NRXN1: variants seen among roughly 807,000 people sequenced by gnomAD.
NRXN1 encodes neurexin-1.
In NRXN1, 39 loss-of-function variants were observed where a neutral mutation model predicts 150.9. That is an observed-to-expected ratio of 0.26 (90% CI 0.20 to 0.34). NRXN1 has a LOEUF of 0.34. NRXN1 is among the 10% of genes least tolerant of loss of function. The pLI, the probability that NRXN1 is intolerant of heterozygous loss-of-function variation, is 1.00. For missense variants in NRXN1, 1,815 were observed against 1,949.9 expected, an observed-to-expected ratio of 0.93 and a Z score of 1.30; for synonymous variants, 924 against 757.0, an observed-to-expected ratio of 1.22 and a Z score of -3.62.
At chr2:50,850,791 T>C (rs1485964405) in intron 5 of NRXN1, among the ~76,000 whole-genome samples, 1 of 152,112 alleles carries the variant, frequency 6.6e-6, no homozygotes, top group African/African-American at 2.4e-5. Flanking sequence ...GCAGAGGGTG[T>C]CTAAAATGAA....
intron 8 of NRXN1, among the ~76,000 whole-genome samples, chr2:50,557,406 G>A (rs141816980): frequency 6.6e-6 from 1 of 152,238 alleles, no homozygotes. Flanking sequence ...GACCCTCCCT[G>A]AGAGAACATG....
chr2:50,220,818 G>C (rs939769786), intron 18 of NRXN1, among the ~76,000 whole-genome samples: 2 of 151,944 alleles, frequency 1.3e-5, no homozygotes, highest in African/African-American at 4.8e-5. Context: ...GATCCTCAGA[G>C]AGCAAATCTT....
chr2:50,630,691 G>A (rs1682136707), intron 5 of NRXN1, among the ~76,000 whole-genome samples: 1 of 151,378 alleles, frequency 6.6e-6, no homozygotes, highest in South Asian at 2.1e-4. Context: ...CACACAGGTT[G>A]GAAGGTTTTA....
intron 5 of NRXN1, among the ~76,000 whole-genome samples, chr2:50,904,680 A>G (rs1388615961): frequency 6.6e-6 from 1 of 152,150 alleles, no homozygotes; most frequent in Non-Finnish European, 1.5e-5. Flanking sequence ...TTTTAAAAAG[A>G]TTACTAATCT....
intron 21 of NRXN1, among the ~76,000 whole-genome samples, chr2:49,950,592 A>T (rs1032425885): frequency 3.3e-5 from 5 of 152,040 alleles, no homozygotes; most frequent in Non-Finnish European, 7.4e-5. Flanking sequence ...TCTGAGGCAA[A>T]TGAACAAATA....
chr2:49,951,552 T>C (rs577584109), intron 21 of NRXN1, among the ~76,000 whole-genome samples: 4 of 151,984 alleles, frequency 2.6e-5, no homozygotes, highest in Non-Finnish European at 4.4e-5. Flanking sequence ...GGAGTAGAGG[T>C]ACTGAATGAG....
chr2:50,637,290 C>T (rs1375230289), intron 5 of NRXN1, among the ~76,000 whole-genome samples: 1 of 152,160 alleles, frequency 6.6e-6, no homozygotes, highest in Non-Finnish European at 1.5e-5. Flanking sequence ...CATCATTAAT[C>T]AACATTCTCT....
intron 5 of NRXN1, among the ~76,000 whole-genome samples, chr2:50,667,978 A>G (rs1186701029): frequency 1.3e-5 from 2 of 152,034 alleles, no homozygotes; most frequent in Admixed American, 1.3e-4. Flanking sequence ...CCTTAAACCA[A>G]GTAAGAATTC....
intron 5 of NRXN1, among the ~76,000 whole-genome samples, chr2:50,710,687 T>C (rs909777958): frequency 2.6e-5 from 4 of 151,982 alleles, no homozygotes; most frequent in African/African-American, 9.7e-5. Context: ...TTAGCTTACA[T>C]ATAGTAAAAA....
intron 18 of NRXN1, among the ~76,000 whole-genome samples, chr2:50,216,009 T>A (rs1444053721): frequency 1.3e-5 from 2 of 151,958 alleles, no homozygotes; most frequent in African/African-American, 2.4e-5. Flanking sequence ...TATAAGTAGA[T>A]AAAGAATGGA....
At chr2:50,225,925 T>C (rs1315066998) in intron 18 of NRXN1, among the ~76,000 whole-genome samples, 2 of 152,022 alleles carry the variant, frequency 1.3e-5, no homozygotes, top group African/African-American at 4.8e-5. Context: ...TCTGAAATGC[T>C]CCATAATTTA....
chr2:50,626,495 C>T (rs1367265038), intron 5 of NRXN1, among the ~76,000 whole-genome samples: 1 of 151,884 alleles, frequency 6.6e-6, no homozygotes, highest in African/African-American at 2.4e-5. Flanking sequence ...ACAATTTACA[C>T]TGTCAAGCAT....
At chr2:50,299,524 G>A (rs1030951477) in intron 17 of NRXN1, among the ~76,000 whole-genome samples, 3 of 151,424 alleles carry the variant, frequency 2.0e-5, no homozygotes, top group Non-Finnish European at 1.5e-5. Context: ...AAGTCTGCAT[G>A]TGTTTTTTCT....
intron 17 of NRXN1, among the ~76,000 whole-genome samples, chr2:50,443,638 T>C (rs2086157042): frequency 6.6e-6 from 1 of 152,200 alleles, no homozygotes; most frequent in South Asian, 2.1e-4. Context: ...CCTCAGCTTT[T>C]ATTTTATAGA....
intron 5 of NRXN1, among the ~76,000 whole-genome samples, chr2:50,677,700 G>A (rs1289134517): frequency 1.3e-5 from 2 of 151,996 alleles, no homozygotes; most frequent in Non-Finnish European, 2.9e-5. Flanking sequence ...ACCCTAGTAT[G>A]TAGGCCATGA....
At chr2:50,852,471 A>G (rs1674660421) in intron 5 of NRXN1, among the ~76,000 whole-genome samples, 1 of 152,200 alleles carries the variant, frequency 6.6e-6, no homozygotes, top group Non-Finnish European at 1.5e-5. Flanking sequence ...CTGTTTACTC[A>G]GACCCCAATG....
rs777764760 is a variant in NRXN1, at chr2:50,039,914, A to G, written c.4128+13357T>C. Among the ~76,000 whole-genome samples, 66 of 152,310 alleles carry G rather than the reference A, an allele frequency of 4.3e-4. 1 individual carries two copies. The highest frequency in any genetic ancestry group is 1.3e-4 in the Non-Finnish European group (9 of 68,026). On this transcript the variant is annotated intron_variant, in intron 21 of 22. Transcript: ENST00000401669. ...AGGGAATCCACTTGACCTTGATCCT[A>G]GAGGTGGAAAAATTCTCCTTTGAGT...
intron 5 of NRXN1, among the ~76,000 whole-genome samples, chr2:50,649,041 G>A (rs946642368): frequency 2.0e-5 from 3 of 151,804 alleles, no homozygotes; most frequent in South Asian, 2.1e-4. Context: ...GCTGGATTAG[G>A]TTTTCCCTGA....
chr2:50,894,242 T>TAATTAATA, intron 5 of NRXN1, among the ~76,000 whole-genome samples: 1 of 142,376 alleles, frequency 7.0e-6, no homozygotes, highest in African/African-American at 2.6e-5. Flanking sequence ...AGTATAATAA[T>TAATTAATA]AATAAATAAA....
Sources: allele counts gnomAD v4.1 joint callset (sites outside exome capture counted in the v4.1 genomes callset), GRCh38; gene constraint gnomAD v4.1.1; transcripts MANE v1.5; gene names NCBI Gene and HGNC (gene_info 2026-07-23, HGNC 2026-07-21).